The following TRIM14 variants were observed in gnomAD, a reference collection of about 807,000 sequenced individuals.
TRIM14 encodes the protein tripartite motif-containing protein 14.
A neutral mutation model predicts 44.5 loss-of-function variants in TRIM14; 28 were observed. The ratio of observed to expected loss-of-function variants is 0.63; its 90% CI spans 0.47 to 0.86. The LOEUF is 0.86. TRIM14 is among the 40% of genes least tolerant of loss of function. The pLI, the probability that TRIM14 is intolerant of heterozygous loss-of-function variation, is 0.00. For synonymous variants in TRIM14, 299 were observed against 269.2 expected (o/e 1.11, Z -1.08); for missense variants, 607 against 611.1 (o/e 0.99, Z 0.07).
At chr9:98,109,310 C>T (rs181422948) in intron 2 of TRIM14, among the ~76,000 whole-genome samples, 44 of 150,874 alleles carry the variant, frequency 2.9e-4, no homozygotes, top group Admixed American at 9.2e-4. Flanking sequence ...GAGGGAGCAA[C>T]GGAGGATGCA....
At chr9:98,105,868 C>T (rs1027908855) in intron 2 of TRIM14, among the ~76,000 whole-genome samples, 4 of 152,228 alleles carry the variant, frequency 2.6e-5, no homozygotes, top group African/African-American at 9.6e-5. Flanking sequence ...AGAAAAACTC[C>T]ACCCCCGGGC....
Position 98,094,999 on chromosome 9 carries a change from G to T in TRIM14, c.568C>A (p.Gln190Lys), listed in dbSNP as rs750756229. 7 of 1,613,966 alleles carry T rather than the reference G, an allele frequency of 4.3e-6. No homozygotes were observed. In the African/African-American group the frequency reaches 9.3e-5, roughly 22 times the overall value. ...AYTATEQEMQQQMSLGELCHP... is the reference protein window; with the variant it reads ...AYTATEQEMQKQMSLGELCHP... ...CACAGCTCCCCGAGGCTCATCTGCT[G>T]CTGCATCTCCTGCTCGGTGGCCGTG... Residue 190 changes from glutamine to lysine, a missense_variant, in exon 4 of 6, where the codon CAG becomes AAG. Physicochemically the swap from Gln to Lys is moderately conservative, Grantham distance 53 (BLOSUM62 1). Around this residue, in one of 3 missense-constraint regions of TRIM14, gnomAD observed 246 missense variants for 270.8 expected, o/e 0.91. Coordinates refer to ENST00000341469, the MANE Select transcript of TRIM14 (RefSeq NM_014788.4).
chr9:98,087,923 G>A lies in TRIM14; in HGVS notation c.876C>T (p.Gly292=), dbSNP rs762481402. Residue 292 remains glycine, a synonymous_variant, in exon 6 of 6, where the codon GGC becomes GGT. Coordinates refer to ENST00000341469, the MANE Select transcript of TRIM14 (RefSeq NM_014788.4). ...LSADRLTVRC[G]LLGSLGPVPV... ...GCACGGGCCCCAGGCTGCCCAGCAG[G>A]CCGCAGCGCACCGTCAGGCGATCGG... 3.0e-5 allele frequency: 47 copies of A among 1,566,154 alleles called. 2 individuals carry two copies. The South Asian group carries it at 5.2e-4, about 17-fold the overall frequency.
chr9:98,103,891 C>T (rs1055714638), intron 2 of TRIM14, among the ~76,000 whole-genome samples: 15 of 150,588 alleles, frequency 1.0e-4, no homozygotes, highest in Non-Finnish European at 1.8e-4. Flanking sequence ...TCAGCCCAAA[C>T]ATCTGCACAG....
intron 1 of TRIM14, 42 bp from the exon 2 acceptor site, chr9:98,110,026 C>A (rs376675902): frequency 6.7e-6 from 10 of 1,495,770 alleles, no homozygotes; most frequent in Non-Finnish European, 8.4e-6. Context: ...AATACTGTCA[C>A]TTTCCAAATA....
At chr9:98,057,006 G>C in the TRIM14 span, 3 of 1,477,720 alleles carry the variant, frequency 2.0e-6, no homozygotes, top group South Asian at 1.4e-5. Flanking sequence ...GCCGCGGGGA[G>C]CCAGGGCCAC....
the TRIM14 span, among the ~76,000 whole-genome samples, chr9:98,057,149 C>T: frequency 6.6e-6 from 1 of 152,262 alleles, no homozygotes; most frequent in Non-Finnish European, 1.5e-5. Flanking sequence ...CAGCTGCCTC[C>T]TAACCCGACC....
the TRIM14 span, among the ~76,000 whole-genome samples, chr9:98,036,124 G>A: frequency 4.3e-4 from 65 of 151,888 alleles, 1 homozygote; most frequent in African/African-American, 1.5e-3. Context: ...TTGGACCCAG[G>A]AAGCGGAGGT....
In TRIM14 at chr9:98,087,762, C is replaced by T; in HGVS notation, c.1037G>A (p.Arg346His). Residue 346 changes from arginine to histidine, a missense_variant, in exon 6 of 6, where the codon CGC becomes CAC. Physicochemically the swap from Arg to His is conservative, Grantham distance 29. Around this residue, in one of 3 missense-constraint regions of TRIM14, gnomAD observed 356 missense variants for 323.0 expected, o/e 1.10. Coordinates refer to ENST00000341469, the MANE Select transcript of TRIM14 (RefSeq NM_014788.4). ...GCGGGCGGCGGCCGAGGCCCCGCGG[C>T]GCCGAAGGGAGGCGTAGGCCGCGCC... The part of the protein sequence containing the change: ...WVGAAYASLR[R>H]RGASAAARLG... 1 of 1,533,588 alleles carries T rather than the reference C, an allele frequency of 6.5e-7. No homozygotes were observed. The highest frequency in any genetic ancestry group is 8.7e-7 in the Non-Finnish European group (1 of 1,150,778). The allele number at this position is 1,533,588 out of a possible 1,614,324, so 95.0% of individuals were successfully genotyped here.
downstream of TRIM14, among the ~76,000 whole-genome samples, chr9:98,065,465 CA>C (rs1829114265): frequency 6.8e-6 from 1 of 148,042 alleles, no homozygotes; most frequent in Non-Finnish European, 1.5e-5. Context: ...TACAGGCGTC[CA>C]CCACCATGCC....
Position 98,119,070 on chromosome 9 carries a change from C to A in TRIM14, c.119G>T (p.Arg40Leu). The A allele has an allele frequency of 6.3e-7, 1 of 1,581,062 alleles. No individual in the cohort carries two copies. The highest frequency in any genetic ancestry group is 8.5e-7 in the Non-Finnish European group (1 of 1,173,718). The change falls in exon 1 of 6, where the codon CGC (arginine) becomes CTC (leucine). Residue 40 changes from arginine (R) to leucine (L), a missense_variant. Arg to Leu is a moderately radical substitution (Grantham distance 102). Around this residue, in one of 3 missense-constraint regions of TRIM14, gnomAD observed 246 missense variants for 270.8 expected, o/e 0.91. Transcript: ENST00000341469. ...RVAELFCRRCRRCVCALCPVL... is the reference protein window; with the variant it reads ...RVAELFCRRCLRCVCALCPVL... ...CGGGCAAAGCGCGCACACGCAGCGG[C>A]GGCAGCGGCGACAGAAGAGCTCAGC...
At chr9:98,091,647 G>C (rs1390951756) in intron 5 of TRIM14, among the ~76,000 whole-genome samples, 1 of 151,856 alleles carries the variant, frequency 6.6e-6, no homozygotes, top group African/African-American at 2.4e-5. Flanking sequence ...AAAGCTAAAA[G>C]GACAAATAAT....
At chr9:98,105,263 G>A (rs1826562689) in intron 2 of TRIM14, among the ~76,000 whole-genome samples, 1 of 152,346 alleles carries the variant, frequency 6.6e-6, no homozygotes, top group Non-Finnish European at 1.5e-5. Flanking sequence ...CTGGTGCCAG[G>A]CTGGGCCCTT....
intron 2 of TRIM14, among the ~76,000 whole-genome samples, chr9:98,107,438 G>A (rs971597841): frequency 1.3e-5 from 2 of 152,222 alleles, no homozygotes; most frequent in South Asian, 2.1e-4. Context: ...GCATACTATC[G>A]GATTAGTGGA....
chr9:98,087,808 C>T lies in TRIM14; in HGVS notation c.991G>A (p.Ala331Thr). ...GCGCCCACCCACCAGCCGGCGCCCG[C>T]CTCCTGCACGTCAACCTCCCAGTAG... ...RHYWEVDVQE[A>T]GAGWWVGAAY... Residue 331 changes from alanine (A) to threonine (T), a missense_variant, in exon 6 of 6, where the codon GCG becomes ACG. By Grantham distance (58) the Ala-to-Thr change is moderately conservative. Transcript: ENST00000341469. 2 of 1,517,042 alleles carry T rather than the reference C, an allele frequency of 1.3e-6. No homozygotes were observed. Among genetic ancestry groups the T allele is most frequent in the Admixed American group, 2.2e-5 (1 of 45,772 alleles). 94.0% of individuals were successfully genotyped at this position (1,517,042 alleles called of 1,614,324 possible). A position where few individuals can be genotyped will look rare whatever the true frequency, so the allele number is the denominator to read the frequency against.
intron 3 of TRIM14, among the ~76,000 whole-genome samples, chr9:98,099,512 G>T (rs1026495647): frequency 9.2e-5 from 14 of 151,610 alleles, no homozygotes; most frequent in Non-Finnish European, 1.8e-4. Flanking sequence ...GTCCCTTGTG[G>T]GTTTAGAGTC....
At chr9:98,061,481 T>TAAAAAAA in the TRIM14 span, among the ~76,000 whole-genome samples, 2 of 74,666 alleles carry the variant, frequency 2.7e-5, no homozygotes, top group African/African-American at 1.0e-4. Context: ...CATCTCAAAT[T>TAAAAAAA]AAAAAAAAAA....
the TRIM14 span, chr9:98,056,943 G>GA: frequency 6.3e-7 from 1 of 1,582,956 alleles, no homozygotes; most frequent in South Asian, 1.1e-5. Flanking sequence ...TGGCCAAGGT[G>GA]AGGCGGCAGC....
At chr9:98,057,080 T>C in the TRIM14 span, 40 of 1,222,432 alleles carry the variant, frequency 3.3e-5, no homozygotes, top group South Asian at 5.6e-4. Flanking sequence ...GTTTTCGGAA[T>C]CCTTCGGATC....
Sources: gnomAD v4.1 joint callset for allele counts (sites outside exome capture counted in the v4.1 genomes callset) on GRCh38, gnomAD v4.1.1 for gene constraint, gnomAD v4.1.1 regional missense constraint, MANE v1.5 for transcripts, NCBI Gene and HGNC (gene_info 2026-07-23, HGNC 2026-07-21) for gene names.